Variants in PAPPA2 observed in about 807,000 individuals in gnomAD.
The protein encoded by PAPPA2 is pappalysin 2.
A neutral mutation model predicts 176.4 loss-of-function variants in PAPPA2; 86 were observed. The ratio of observed to expected loss-of-function variants is 0.49; its 90% CI spans 0.41 to 0.58. The LOEUF (loss-of-function observed/expected upper bound fraction) is 0.58, where lower values mean the gene tolerates loss of function less well. Among genes scored for constraint, PAPPA2 ranks in the 20% least tolerant of loss-of-function variants. The pLI, the probability that PAPPA2 is intolerant of heterozygous loss-of-function variation, is 0.00. For synonymous variants in PAPPA2, 809 were observed against 852.2 expected (o/e 0.95, Z 0.88); for missense variants, 2,073 against 2,256.9 (o/e 0.92, Z 1.65).
intron 1 of PAPPA2, among the ~76,000 whole-genome samples, chr1:176,528,732 C>G (rs1232838882): frequency 3.3e-5 from 5 of 152,214 alleles, no homozygotes; most frequent in Non-Finnish European, 7.3e-5. Context: ...TCAGCCCTAA[C>G]CTATCTTCTC....
chr1:176,530,033 CTCTT>C (rs2102550590), intron 1 of PAPPA2, among the ~76,000 whole-genome samples: 1 of 152,254 alleles, frequency 6.6e-6, no homozygotes, highest in Non-Finnish European at 1.5e-5. Context: ...CACATTCTCT[CTCTT>C]TCGTTTTTGC....
At chr1:176,791,541 C>T in intron 19 of PAPPA2, 59 bp downstream of exon 19, 1 of 1,543,572 alleles carries the variant, frequency 6.5e-7, no homozygotes, top group Non-Finnish European at 8.8e-7. Context: ...TTAAGCACAG[C>T]TGAATTTTTT....
At position 176,710,054 on chromosome 1, in the gene PAPPA2, G is replaced by A. The variant is rs1395279071; in HGVS notation, c.3529G>A (p.Val1177Ile). ...ACCTTTTGAGAGAAAAACCAGCATT[G>A]TAGACTGTGGCATCTACACTCCCAA... ...CEPFERKTSI[V>I]DCGIYTPKGY... Residue 1177 changes from valine to isoleucine, a missense_variant, in exon 11 of 23, where the codon GTA becomes ATA. Coordinates refer to ENST00000367662, the MANE Select transcript of PAPPA2 (RefSeq NM_020318.3). 1 of 1,613,776 alleles carries A rather than the reference G, an allele frequency of 6.2e-7. No individual in the cohort carries two copies. Among genetic ancestry groups the A allele is most frequent in the Non-Finnish European group, 8.5e-7 (1 of 1,179,758 alleles).
chr1:176,630,666 T>C (rs549506223), intron 3 of PAPPA2, among the ~76,000 whole-genome samples: 34 of 151,988 alleles, frequency 2.2e-4, no homozygotes, highest in Non-Finnish European at 4.1e-4. Flanking sequence ...AAAAAAAAGA[T>C]GGATATAGGA....
At chr1:176,597,841 C>A (rs1025112740) in intron 3 of PAPPA2, among the ~76,000 whole-genome samples, 5 of 152,036 alleles carry the variant, frequency 3.3e-5, no homozygotes, top group Non-Finnish European at 7.4e-5. Context: ...TAGTAATAAC[C>A]CACTGCCCTG....
intron 1 of PAPPA2, among the ~76,000 whole-genome samples, chr1:176,514,917 A>G (rs1304226049): frequency 6.6e-6 from 1 of 152,200 alleles, no homozygotes; most frequent in East Asian, 1.9e-4. Context: ...GATTATTCTT[A>G]TTCAGTGTTT....
intron 3 of PAPPA2, among the ~76,000 whole-genome samples, chr1:176,613,337 C>A (rs1655035716): frequency 6.6e-6 from 1 of 152,220 alleles, no homozygotes; most frequent in South Asian, 2.1e-4. Flanking sequence ...AACTTCACTG[C>A]TGGACCATGG....
At chr1:176,725,026 G>A (rs1015275886) in intron 12 of PAPPA2, among the ~76,000 whole-genome samples, 15 of 152,132 alleles carry the variant, frequency 9.9e-5, no homozygotes, top group African/African-American at 2.9e-4. Flanking sequence ...TATAAAGAAA[G>A]CAGATTAAAA....
intron 12 of PAPPA2, among the ~76,000 whole-genome samples, chr1:176,737,703 A>C (rs1662478884): frequency 6.6e-6 from 1 of 152,098 alleles, no homozygotes; most frequent in South Asian, 2.1e-4. Flanking sequence ...AGACCTTGCC[A>C]CCAGGAACAG....
intron 2 of PAPPA2, among the ~76,000 whole-genome samples, chr1:176,564,781 G>A (rs1413889859): frequency 2.1e-5 from 3 of 140,574 alleles, no homozygotes; most frequent in East Asian, 2.0e-4. Context: ...TAAAGTTCAC[G>A]TGTTTAAAGT....
intron 2 of PAPPA2, among the ~76,000 whole-genome samples, chr1:176,580,408 C>A (rs573981708): frequency 6.6e-6 from 1 of 152,232 alleles, no homozygotes; most frequent in South Asian, 2.1e-4. Flanking sequence ...TCTATTCATC[C>A]GTTGTTGGGC....
chr1:176,664,719 A>G (rs1443717651), intron 3 of PAPPA2, among the ~76,000 whole-genome samples: 1 of 152,196 alleles, frequency 6.6e-6, no homozygotes, highest in Non-Finnish European at 1.5e-5. Context: ...AGTTCTTACA[A>G]CACAAATATT....
At chr1:176,731,608 G>A (rs1662144737) in intron 12 of PAPPA2, among the ~76,000 whole-genome samples, 3 of 151,436 alleles carry the variant, frequency 2.0e-5, no homozygotes, top group Non-Finnish European at 4.4e-5. Flanking sequence ...CACCATGCCC[G>A]GCATAATGTA....
chr1:176,586,393 C>T (rs1467114222), intron 2 of PAPPA2, among the ~76,000 whole-genome samples: 1 of 152,026 alleles, frequency 6.6e-6, no homozygotes, highest in African/African-American at 2.4e-5. Flanking sequence ...TATTTGTATG[C>T]CATGGTGGTT....
At chr1:176,549,652 C>T (rs995151571) in intron 1 of PAPPA2, among the ~76,000 whole-genome samples, 2 of 152,242 alleles carry the variant, frequency 1.3e-5, no homozygotes, top group South Asian at 2.1e-4. Flanking sequence ...CCATCCAGCC[C>T]GGCTCTAAGG....
intron 2 of PAPPA2, among the ~76,000 whole-genome samples, chr1:176,585,254 T>A (rs921811968): frequency 2.0e-5 from 3 of 152,178 alleles, no homozygotes; most frequent in Non-Finnish European, 4.4e-5. Flanking sequence ...CTTTGCTGGG[T>A]ATAGTATTCT....
chr1:176,686,166 T>G (rs572710345), intron 4 of PAPPA2, among the ~76,000 whole-genome samples: 1 of 152,302 alleles, frequency 6.6e-6, no homozygotes, highest in Admixed American at 6.5e-5. Flanking sequence ...TATTAGTCCG[T>G]TCTCACGCTG....
intron 3 of PAPPA2, among the ~76,000 whole-genome samples, chr1:176,657,095 A>AGCACTCTGCCAG (rs1194553521): frequency 1.3e-5 from 2 of 151,850 alleles, no homozygotes; most frequent in African/African-American, 4.8e-5. Flanking sequence ...CTCAAGAAGC[A>AGCACTCTGCCAG]GCACTCTGCC....
At chr1:176,516,748 G>T (rs913176335) in intron 1 of PAPPA2, among the ~76,000 whole-genome samples, 2 of 152,160 alleles carry the variant, frequency 1.3e-5, no homozygotes, top group Non-Finnish European at 2.9e-5. Flanking sequence ...CGAGAAATAA[G>T]TTTCTGTTGT....
Sources: allele counts gnomAD v4.1 joint callset (sites outside exome capture counted in the v4.1 genomes callset), GRCh38; gene constraint gnomAD v4.1.1; transcripts MANE v1.5; gene names NCBI Gene and HGNC (gene_info 2026-07-23, HGNC 2026-07-21).